NDRG2: variants seen among roughly 807,000 people sequenced by gnomAD.
NDRG2 encodes the protein protein NDRG2.
A neutral mutation model predicts 58.2 loss-of-function variants in NDRG2; 34 were observed. That is an observed-to-expected ratio of 0.58 (90% CI 0.44 to 0.78). The LOEUF (loss-of-function observed/expected upper bound fraction) is 0.78, where lower values mean the gene tolerates loss of function less well. NDRG2 is among the 30% of genes least tolerant of loss of function. NDRG2 has a pLI of 0.00. For missense variants in NDRG2, 434 were observed against 471.2 expected, an observed-to-expected ratio of 0.92 and a Z score of 0.73; for synonymous variants, 187 against 175.9, an observed-to-expected ratio of 1.06 and a Z score of -0.50.
intron 5 of NDRG2, 38 bp from the exon 6 acceptor site, chr14:21,021,917 G>T: frequency 6.2e-7 from 1 of 1,611,244 alleles, no homozygotes; most frequent in Non-Finnish European, 8.5e-7. Context: ...ATACCAACCT[G>T]CCCTCACACC....
Position 21,022,172 on chromosome 14 carries a change from G to C in NDRG2, c.234C>G (p.Cys78Trp). Reference sequence around the variant, plus strand: ...CCTCGAACTGAAACAGTGGCTGGAAGCAAGATTTATCTAAAGAGAACCCAC... The same window carrying C: ...CCTCGAACTGAAACAGTGGCTGGAACCAAGATTTATCTAAAGAGAACCCAC... ...YHDVGLNYKS[C>W]FQPLFQFEDM... The change falls in exon 5 of 16, where the codon TGC becomes TGG. Residue 78 changes from cysteine (C) to tryptophan (W), a missense_variant. Cys to Trp is a radical substitution (Grantham distance 215, BLOSUM62 -2). Transcript: ENST00000556147. The C allele has an allele frequency of 6.2e-7, 1 of 1,614,216 alleles. No homozygotes were observed. Among genetic ancestry groups the C allele is most frequent in the Non-Finnish European group, 8.5e-7 (1 of 1,180,046 alleles).
At chr14:21,045,443 G>A (rs533981635) in intron 1 of NDRG2, among the ~76,000 whole-genome samples, 1 of 152,248 alleles carries the variant, frequency 6.6e-6, no homozygotes, top group East Asian at 1.9e-4. Flanking sequence ...TAAATCTGAA[G>A]TTTATCCAAA....
chr14:21,019,704 G>C lies in NDRG2; in HGVS notation c.651C>G (p.Tyr217Ter). 6.2e-7 allele frequency: 1 copy of C among 1,613,730 alleles called. No individual in the cohort carries two copies. The highest frequency in any genetic ancestry group is 8.5e-7 in the Non-Finnish European group (1 of 1,179,658). Reference sequence around the variant, plus strand: ...TGGGTGCATGTGTAATGATATTTCTGTACTTTTGTATCAACTCAGAATTTC... The same window carrying C: ...TGGGTGCATGTGTAATGATATTTCTCTACTTTTGTATCAACTCAGAATTTC... ...LSGNSELIQK[Y>*]RNIITHAPNL... The change falls in exon 10 of 16, where the codon TAC becomes TAG. Residue 217 changes from tyrosine to a stop codon, truncating the protein, a stop_gained. Coordinates refer to ENST00000556147, the MANE Select transcript of NDRG2 (RefSeq NM_001320329.2). LOFTEE classifies it high-confidence loss of function.
At chr14:21,039,427 C>G (rs1261826232) in intron 1 of NDRG2, among the ~76,000 whole-genome samples, 2 of 152,204 alleles carry the variant, frequency 1.3e-5, no homozygotes, top group Non-Finnish European at 2.9e-5. Context: ...TTGTCTTCTG[C>G]TCTTGCTCTC....
intron 1 of NDRG2, chr14:21,033,043 C>CTGG (rs1213473155): frequency 2.2e-6 from 1 of 451,400 alleles, no homozygotes; most frequent in East Asian, 7.0e-5. Context: ...GGAGGAGCTT[C>CTGG]TGGAAGAGAA....
intron 1 of NDRG2, among the ~76,000 whole-genome samples, chr14:21,062,317 G>A (rs1886003068): frequency 1.3e-5 from 2 of 152,160 alleles, no homozygotes; most frequent in Non-Finnish European, 2.9e-5. Flanking sequence ...GATTTTGCTG[G>A]GGCGTTTAGT....
At chr14:21,066,886 C>CACACAGATT (rs1886297316) in intron 1 of NDRG2, among the ~76,000 whole-genome samples, 1 of 152,330 alleles carries the variant, frequency 6.6e-6, no homozygotes, top group African/African-American at 2.4e-5. Flanking sequence ...ATTTACATAT[C>CACACAGATT]ACACAGATTT....
At chr14:21,046,681 T>C (rs910589266) in intron 1 of NDRG2, among the ~76,000 whole-genome samples, 4 of 152,186 alleles carry the variant, frequency 2.6e-5, no homozygotes, top group Non-Finnish European at 4.4e-5. Context: ...GTATAACCTT[T>C]GACTCCCCCA....
chr14:21,065,880 C>T, intron 1 of NDRG2, among the ~76,000 whole-genome samples: 1 of 152,182 alleles, frequency 6.6e-6, no homozygotes, highest in East Asian at 1.9e-4. Flanking sequence ...GGGCGGATCA[C>T]CTGAGGTCAG....
Position 21,017,117 on chromosome 14 carries a change from C to T in NDRG2, c.*479G>A, listed in dbSNP as rs1877228597. On this transcript the variant is annotated 3_prime_UTR_variant, in exon 16 of 16. Transcript: ENST00000556147. ...CACTAACCCACCAGCAAGTCTCCCC[C>T]TGACACACATTCACGTAGGTCCATA... The T allele has an allele frequency of 9.4e-6, 4 of 423,294 alleles. No homozygotes were observed. The highest frequency in any genetic ancestry group is 1.9e-5 in the Non-Finnish European group (4 of 207,628). The allele number at this position is 423,294 out of a possible 1,614,324, so 26.2% of individuals were successfully genotyped here.
At chr14:21,032,055 C>G in intron 1 of NDRG2, 1 of 1,613,866 alleles carries the variant, frequency 6.2e-7, no homozygotes, top group Non-Finnish European at 8.5e-7. Context: ...GGTTCTGGCA[C>G]CTACGATAAG....
At position 21,070,327 on chromosome 14, in the gene NDRG2, G is replaced by C. The variant is rs949968513; in HGVS notation, c.24+501C>G. On this transcript the variant is annotated intron_variant, in intron 1 of 14. Transcript: ENST00000403829. This position sits in a 1 kb window ranked among gnomAD's most constrained non-coding sequence, Gnocchi z 4.7. The stretch of plus-strand genomic sequence containing the variant: ...CCAGACCCGGCGAGACACGAGCGGC[G>C]GGAGGGAGGCGGTGGCGCGCCCGGC... 8.6e-6 allele frequency: 12 copies of C among 1,392,408 alleles called. No individual in the cohort carries two copies. In the East Asian group the frequency reaches 3.1e-4, roughly 37 times the overall value. The allele number at this position is 1,392,408 out of a possible 1,614,324, so 86.3% of individuals were successfully genotyped here.
At chr14:21,058,602 G>A in intron 1 of NDRG2, 1 of 521,730 alleles carries the variant, frequency 1.9e-6, no homozygotes, top group South Asian at 2.6e-5. Context: ...CAAGCACTCA[G>A]GATCCCCACA....
intron 1 of NDRG2, chr14:21,033,239 A>G: frequency 3.1e-6 from 1 of 326,448 alleles, no homozygotes; most frequent in South Asian, 2.5e-5. Flanking sequence ...CAGTTATATG[A>G]AGGGAGAAAC....
chr14:21,043,148 C>T (rs903999255), intron 1 of NDRG2: 4 of 1,614,086 alleles, frequency 2.5e-6, no homozygotes, highest in Non-Finnish European at 3.4e-6. Flanking sequence ...AAGCATGCAA[C>T]TCAGCCATGA....
intron 1 of NDRG2, chr14:21,032,821 G>C: frequency 2.5e-6 from 1 of 404,540 alleles, no homozygotes; most frequent in South Asian, 1.8e-5. Context: ...AGTCAGATGT[G>C]TGTTATTAAC....
In NDRG2 at chr14:21,070,535, C is replaced by A; in HGVS notation, c.24+293G>T. The A allele has an allele frequency of 9.2e-7, 1 of 1,088,620 alleles. No individual in the cohort carries two copies. Among genetic ancestry groups the A allele is most frequent in the Non-Finnish European group, 1.2e-6 (1 of 800,280 alleles). 67.4% of individuals were successfully genotyped at this position (1,088,620 alleles called of 1,614,324 possible). On this transcript the variant is annotated intron_variant, in intron 1 of 14. Coordinates refer to the NDRG2 transcript ENST00000403829. The surrounding 1 kb of genome is among the most constrained non-coding windows in gnomAD (Gnocchi z 4.7). ...CCTCTGGGACTCTCCTCCCTCCCATCCCCCCTTCTTCGATTTGTCTGTCTG... is the reference window on the plus strand; with the variant it reads ...CCTCTGGGACTCTCCTCCCTCCCATACCCCCTTCTTCGATTTGTCTGTCTG...
intron 1 of NDRG2, among the ~76,000 whole-genome samples, chr14:21,066,359 C>A (rs527549184): frequency 6.9e-6 from 1 of 145,774 alleles, no homozygotes; most frequent in Non-Finnish European, 1.5e-5. Flanking sequence ...CTCACTTTGT[C>A]GCCAGGCTGG....
intron 1 of NDRG2, among the ~76,000 whole-genome samples, chr14:21,067,686 C>T (rs1886341424): frequency 6.6e-6 from 1 of 151,970 alleles, no homozygotes; most frequent in Non-Finnish European, 1.5e-5. Flanking sequence ...TCTAATTTCT[C>T]CCTTATAACT....
Sources: gnomAD v4.1 joint callset for allele counts (sites outside exome capture counted in the v4.1 genomes callset) on GRCh38, gnomAD v4.1.1 for gene constraint, Gnocchi (gnomAD v3.1) non-coding constraint, MANE v1.5 for transcripts, NCBI Gene and HGNC (gene_info 2026-07-23, HGNC 2026-07-21) for gene names.